Variants in PTGES3 observed in about 807,000 individuals in gnomAD.
The protein encoded by PTGES3 is prostaglandin E synthase 3, also known as Hsp90 co-chaperone.
Under a neutral mutation model 29.9 loss-of-function variants are expected in PTGES3, and 5 were observed. That is an observed-to-expected ratio of 0.17 (90% CI 0.09 to 0.35). PTGES3 has a LOEUF of 0.35. Ranked by LOEUF, PTGES3 falls within the 10% of genes least tolerant of loss-of-function variation. The pLI is 1.00. For missense variants in PTGES3, 128 were observed against 190.0 expected (o/e 0.67, Z 1.92); for synonymous variants, 49 against 57.8 (o/e 0.85, Z 0.69).
intron 4 of PTGES3, 62 bp downstream of exon 4, chr12:56,671,687 T>C: frequency 9.3e-7 from 1 of 1,077,350 alleles, no homozygotes; most frequent in Non-Finnish European, 1.3e-6. Context: ...ATCAAATAAG[T>C]ACATCTTTTA....
intron 3 of PTGES3, among the ~76,000 whole-genome samples, chr12:56,672,353 G>T (rs2137625365): frequency 6.6e-6 from 1 of 152,198 alleles, no homozygotes; most frequent in African/African-American, 2.4e-5. Context: ...AATTAGCCAG[G>T]CATGGTGGCA....
intron 1 of PTGES3, among the ~76,000 whole-genome samples, chr12:56,680,310 A>G (rs1952469727): frequency 6.6e-6 from 1 of 151,666 alleles, no homozygotes; most frequent in South Asian, 2.1e-4. Context: ...CTCGGCCTCA[A>G]GTGATCTGCC....
At chr12:56,668,125 A>G (rs1951857011) in intron 5 of PTGES3, among the ~76,000 whole-genome samples, 1 of 152,154 alleles carries the variant, frequency 6.6e-6, no homozygotes. Context: ...ATAAATAAAT[A>G]GTCTGTTAAA....
intron 3 of PTGES3, among the ~76,000 whole-genome samples, chr12:56,672,061 T>C (rs1047073540): frequency 2.0e-5 from 3 of 152,170 alleles, no homozygotes; most frequent in African/African-American, 7.2e-5. Context: ...TTCTATTTCC[T>C]ACTGAAATAA....
chr12:56,682,348 C>G (rs1266972424), intron 1 of PTGES3, among the ~76,000 whole-genome samples: 15 of 151,994 alleles, frequency 9.9e-5, no homozygotes, highest in Non-Finnish European at 1.8e-4. Context: ...TGCTTGAGCC[C>G]AAGAGTTTGA....
intron 1 of PTGES3, among the ~76,000 whole-genome samples, chr12:56,675,320 A>G: frequency 6.6e-6 from 1 of 151,950 alleles, no homozygotes. Context: ...AAGAAAAAGA[A>G]AAAGAAAAAA....
chr12:56,682,645 T>C (rs946852998), intron 1 of PTGES3, among the ~76,000 whole-genome samples: 1 of 146,858 alleles, frequency 6.8e-6, no homozygotes, highest in African/African-American at 2.5e-5. Context: ...CCCAGGACTT[T>C]GGGAGGAAGA....
chr12:56,686,424 A>G (rs545365437), intron 1 of PTGES3, among the ~76,000 whole-genome samples: 1 of 152,056 alleles, frequency 6.6e-6, no homozygotes, highest in Non-Finnish European at 1.5e-5. Context: ...CCCAGGCTGG[A>G]GTGCAATGGC....
intron 6 of PTGES3, chr12:56,665,286 T>A (rs1401563948): frequency 5.8e-4 from 81 of 140,262 alleles, no homozygotes; most frequent in Middle Eastern, 3.4e-3. Context: ...ATGTCCATCT[T>A]TTTTTTTTTT....
intron 1 of PTGES3, among the ~76,000 whole-genome samples, chr12:56,673,315 G>A (rs1208494218): frequency 1.3e-5 from 2 of 151,780 alleles, no homozygotes; most frequent in East Asian, 3.9e-4. Context: ...AGAGTTAGCC[G>A]TTTATCTAGT....
intron 1 of PTGES3, among the ~76,000 whole-genome samples, chr12:56,682,224 T>C (rs1187205976): frequency 1.3e-5 from 2 of 152,118 alleles, no homozygotes; most frequent in Non-Finnish European, 2.9e-5. Flanking sequence ...ACAGCACATT[T>C]TATTCAGCTT....
At chr12:56,670,396 T>G (rs1446418507) in intron 4 of PTGES3, 32 bp from the exon 5 acceptor site, 1 of 1,484,134 alleles carries the variant, frequency 6.7e-7, no homozygotes, top group East Asian at 2.3e-5. Flanking sequence ...ACCCTAAGAT[T>G]AGGCTAATTT....
At chr12:56,687,733 A>G (rs2958153) in intron 1 of PTGES3, 1,006,012 of 1,361,962 alleles carry the variant, frequency 0.74, 373,404 homozygotes, top group African/African-American at 0.9. Flanking sequence ...GAGGCGAGTA[A>G]CCCAGACAGC....
At chr12:56,675,004 C>CAAGAA (rs1952171996) in intron 1 of PTGES3, among the ~76,000 whole-genome samples, 1 of 32,358 alleles carries the variant, frequency 3.1e-5, no homozygotes, top group Non-Finnish European at 5.4e-5. Flanking sequence ...AACTCGGTCT[C>CAAGAA]AAAAAAAAAA....
At position 56,672,792 on chromosome 12, in the gene PTGES3, T is replaced by G. The variant is rs762280813; in HGVS notation, c.134A>C (p.Asp45Ala). Residue 45 changes from aspartate to alanine, a missense_variant, in exon 3 of 8, where the codon GAT (aspartate) becomes GCT (alanine). Asp to Ala is a moderately radical substitution (Grantham distance 126, BLOSUM62 -2). Coordinates refer to ENST00000262033, the MANE Select transcript of PTGES3 (RefSeq NM_006601.7). The part of the protein sequence containing the change: ...KLTFSCLGGS[D>A]NFKHLNEIDL... ...AATTTCATTTAAATGCTTAAAATTA[T>G]CACTTCCTCCGAGACAACTGTATAA... 2 of 1,590,850 alleles carry G rather than the reference T, an allele frequency of 1.3e-6. No individual in the cohort carries two copies. The highest frequency in any genetic ancestry group is 2.3e-5 in the South Asian group (2 of 87,304).
chr12:56,677,200 C>A (rs1027149429), intron 1 of PTGES3, among the ~76,000 whole-genome samples: 1 of 151,288 alleles, frequency 6.6e-6, no homozygotes, highest in Non-Finnish European at 1.5e-5. Context: ...GATAGCGCCA[C>A]TGCACTCTAG....
At chr12:56,685,460 G>C (rs549794254) in intron 1 of PTGES3, among the ~76,000 whole-genome samples, 1 of 148,182 alleles carries the variant, frequency 6.7e-6, no homozygotes, top group East Asian at 2.0e-4. Context: ...GAGTACAGTG[G>C]CGCAATCGCC....
rs144000753 is a variant in PTGES3, at chr12:56,668,798, TG to T, written c.375+1476del. Among the ~76,000 whole-genome samples the T allele has an allele frequency of 8.3e-4, 126 of 152,226 alleles. 1 individual carries two copies. Among genetic ancestry groups the T allele is most frequent in the African/African-American group, 2.8e-3 (118 of 41,534 alleles). ...AAAAATTTCAAATAGCAACAAGAAA[TG>T]GATTTCATCAGTATGCATTCGACTT... On this transcript the variant is annotated intron_variant, in intron 5 of 7. Coordinates refer to ENST00000262033, the MANE Select transcript of PTGES3 (RefSeq NM_006601.7).
chr12:56,673,484 GGA>G lies in PTGES3; in HGVS notation c.3-421_3-420del, dbSNP rs1491242055. 3.0e-4 allele frequency among the ~76,000 whole-genome samples: 11 copies of G among 36,846 alleles called. 2 individuals carry two copies. The highest frequency in any genetic ancestry group is 4.7e-4 in the Admixed American group (1 of 2,118). The allele number at this position is 36,846 out of a possible 152,430, so 24.2% of individuals were successfully genotyped here. ...CCGACTCTACTACAAATACAAATACGGAAAAAAAAAAAAAAAAAAAAAAAAAA... is the reference window on the plus strand; with the variant it reads ...CCGACTCTACTACAAATACAAATACGAAAAAAAAAAAAAAAAAAAAAAAAA... On this transcript the variant is annotated intron_variant, in intron 1 of 7. Transcript: ENST00000262033.
Sources: gnomAD v4.1 joint callset for allele counts (sites outside exome capture counted in the v4.1 genomes callset) on GRCh38, gnomAD v4.1.1 for gene constraint, MANE v1.5 for transcripts, NCBI Gene and HGNC (gene_info 2026-07-23, HGNC 2026-07-21) for gene names.